Variants in FHIT observed in about 807,000 individuals in gnomAD.
The protein encoded by FHIT is fragile histidine triad diadenosine triphosphatase, also known as bis(5'-adenosyl)-triphosphatase.
In FHIT, 19 loss-of-function variants were observed where a neutral mutation model predicts 17.9. The ratio of observed to expected loss-of-function variants is 1.06; its 90% CI spans 0.74 to 1.56. The LOEUF is 1.56. Ranked by LOEUF, FHIT falls within the 40% of genes most tolerant of loss-of-function variation. FHIT has a pLI of 0.00. For missense variants in FHIT, 248 were observed against 189.2 expected (o/e 1.31, Z -1.82); for synonymous variants, 81 against 69.7 (o/e 1.16, Z -0.81).
At chr3:60,835,964 A>T (rs1196842589) in intron 3 of FHIT, among the ~76,000 whole-genome samples, 1 of 152,186 alleles carries the variant, frequency 6.6e-6, no homozygotes. Flanking sequence ...TTTGTAGATC[A>T]CTTAGTGTTT....
intron 1 of FHIT, among the ~76,000 whole-genome samples, chr3:61,221,483 A>G (rs147397395): frequency 6.6e-6 from 1 of 152,340 alleles, no homozygotes; most frequent in Non-Finnish European, 1.5e-5. Flanking sequence ...CCATCATTAC[A>G]TAGACCTCAG....
In FHIT at chr3:61,195,422, T is replaced by C. The variant is rs558599158; in HGVS notation, c.-164+5195A>G. On this transcript the variant is annotated intron_variant, in intron 2 of 9. Transcript: ENST00000492590. ...TGAGAGCACTGAGCAAGACATGTTA[T>C]TGCTGATGGTAGTGGTGGTGATGAT... Among the ~76,000 whole-genome samples the C allele has an allele frequency of 9.9e-5, 15 of 152,278 alleles. No homozygotes were observed. The East Asian group carries it at 2.9e-3, about 29-fold the overall frequency.
At chr3:59,856,915 G>A (rs1302070763) in intron 8 of FHIT, among the ~76,000 whole-genome samples, 3 of 151,172 alleles carry the variant, frequency 2.0e-5, no homozygotes, top group African/African-American at 7.3e-5. Context: ...CAACCACCCT[G>A]AATGGTGGAG....
chr3:60,922,815 A>G (rs1707352112), intron 3 of FHIT, among the ~76,000 whole-genome samples: 1 of 152,200 alleles, frequency 6.6e-6, no homozygotes, highest in African/African-American at 2.4e-5. Flanking sequence ...AGAACCAGTA[A>G]TGAAATGTCA....
intron 2 of FHIT, among the ~76,000 whole-genome samples, chr3:61,198,299 A>C (rs985381572): frequency 2.0e-5 from 3 of 152,160 alleles, no homozygotes; most frequent in African/African-American, 7.2e-5. Flanking sequence ...CTCATAGTAC[A>C]TGTTGGCAGA....
intron 2 of FHIT, among the ~76,000 whole-genome samples, chr3:61,148,537 T>C (rs1009599025): frequency 6.6e-6 from 1 of 152,188 alleles, no homozygotes; most frequent in Non-Finnish European, 1.5e-5. Context: ...TTGTTGTTTG[T>C]TCCTTTTTGT....
intron 5 of FHIT, among the ~76,000 whole-genome samples, chr3:60,221,196 T>C: frequency 6.6e-6 from 1 of 152,216 alleles, no homozygotes; most frequent in Non-Finnish European, 1.5e-5. Flanking sequence ...GTAACTGCTA[T>C]GTCTAGTTTT....
In FHIT at chr3:60,396,034, C is replaced by T. The variant is rs553912103; in HGVS notation, c.103+140826G>A. 7.2e-5 allele frequency among the ~76,000 whole-genome samples: 11 copies of T among 152,194 alleles called. No homozygotes were observed. The East Asian group carries it at 1.9e-3, about 27-fold the overall frequency. On this transcript the variant is annotated intron_variant, in intron 5 of 9. Coordinates refer to ENST00000492590, the MANE Select transcript of FHIT (RefSeq NM_002012.4). ...CCACACCAACAGCTAACACACCAAG[C>T]CTTCTACCTACCAGGCACCACACTA...
chr3:60,275,162 T>A (rs1047822404), intron 5 of FHIT, among the ~76,000 whole-genome samples: 1 of 150,108 alleles, frequency 6.7e-6, no homozygotes. Flanking sequence ...CTAGGCATAT[T>A]TTCATTACTG....
At chr3:61,198,910 T>C (rs1421461070) in intron 2 of FHIT, among the ~76,000 whole-genome samples, 3 of 149,696 alleles carry the variant, frequency 2.0e-5, no homozygotes, top group Non-Finnish European at 4.4e-5. Context: ...ATGATGATGA[T>C]GATGATGATG....
intron 5 of FHIT, among the ~76,000 whole-genome samples, chr3:60,019,455 G>A (rs1019853477): frequency 1.6e-5 from 2 of 123,328 alleles, no homozygotes; most frequent in Non-Finnish European, 3.3e-5. Flanking sequence ...TTTCGCTCTC[G>A]TTGCCCAGGC....
At chr3:60,681,217 A>G (rs782373240) in intron 4 of FHIT, among the ~76,000 whole-genome samples, 2 of 152,186 alleles carry the variant, frequency 1.3e-5, no homozygotes, top group Admixed American at 6.5e-5. Flanking sequence ...CAATATTTCA[A>G]ACTAATTCAT....
intron 4 of FHIT, among the ~76,000 whole-genome samples, chr3:60,728,704 TACACAC>T (rs56012549): frequency 3.7e-4 from 55 of 147,402 alleles, no homozygotes; most frequent in African/African-American, 1.1e-3. Context: ...CACACACACA[TACACAC>T]ACACACACAC....
chr3:61,064,423 T>A (rs2034533125), intron 2 of FHIT, among the ~76,000 whole-genome samples: 1 of 152,166 alleles, frequency 6.6e-6, no homozygotes, highest in Non-Finnish European at 1.5e-5. Context: ...GCTTGGATCC[T>A]TGTTTAGCAG....
chr3:60,546,956 T>G (rs2036387982), intron 4 of FHIT, among the ~76,000 whole-genome samples: 1 of 152,178 alleles, frequency 6.6e-6, no homozygotes, highest in East Asian at 1.9e-4. Context: ...AGTACACCTA[T>G]TTCTTCAAGT....
intron 3 of FHIT, among the ~76,000 whole-genome samples, chr3:60,866,411 C>A (rs1246612878): frequency 1.3e-5 from 2 of 152,110 alleles, no homozygotes; most frequent in South Asian, 2.1e-4. Context: ...AAGCCAGTCA[C>A]CATTCTATGA....
intron 2 of FHIT, among the ~76,000 whole-genome samples, chr3:61,082,628 G>T (rs1348321109): frequency 6.6e-6 from 1 of 152,098 alleles, no homozygotes; most frequent in Non-Finnish European, 1.5e-5. Context: ...GTTTTCTAAA[G>T]TAATTATATT....
At chr3:61,151,618 G>C (rs943971724) in intron 2 of FHIT, among the ~76,000 whole-genome samples, 5 of 145,040 alleles carry the variant, frequency 3.4e-5, no homozygotes, top group African/African-American at 1.3e-4. Flanking sequence ...CTGCCACCCA[G>C]GCTGGAGTGC....
At chr3:60,913,004 G>T (rs1046022746) in intron 3 of FHIT, among the ~76,000 whole-genome samples, 1 of 152,164 alleles carries the variant, frequency 6.6e-6, no homozygotes, top group Non-Finnish European at 1.5e-5. Context: ...GAGGGAAATA[G>T]ATTTAGTACA....
Sources: gnomAD v4.1 joint callset for allele counts (sites outside exome capture counted in the v4.1 genomes callset) on GRCh38, gnomAD v4.1.1 for gene constraint, MANE v1.5 for transcripts, NCBI Gene and HGNC (gene_info 2026-07-23, HGNC 2026-07-21) for gene names.